Variants in MOCOS observed in about 807,000 individuals in gnomAD.
The protein encoded by MOCOS is human molybdenum cofactor sulfurase.
MOCOS carries 86 observed loss-of-function variants against 83.6 expected under a neutral mutation model. The ratio of observed to expected loss-of-function variants is 1.03; its 90% CI spans 0.86 to 1.23. MOCOS has a LOEUF of 1.23. Among genes scored for constraint, MOCOS ranks in the 50% most tolerant of loss-of-function variants. The pLI is 0.00. For missense variants in MOCOS, 1,120 were observed against 1,126.9 expected (o/e 0.99, Z 0.09); for synonymous variants, 445 against 434.7 (o/e 1.02, Z -0.29).
intron 11 of MOCOS, among the ~76,000 whole-genome samples, chr18:36,253,392 G>A (rs888397805): frequency 1.1e-4 from 16 of 152,198 alleles, no homozygotes; most frequent in African/African-American, 3.6e-4. Context: ...AGGAGGCCAG[G>A]CGCGGTGGCT....
chr18:36,271,837 A>C lies in MOCOS; in HGVS notation c.*3152A>C, dbSNP rs2091700182. 6.6e-6 allele frequency: 1 copy of C among 152,154 alleles called. No homozygotes were observed. Among genetic ancestry groups the C allele is most frequent in the Non-Finnish European group, 1.5e-5 (1 of 68,022 alleles). 9.4% of individuals were successfully genotyped at this position (152,154 alleles called of 1,614,324 possible). On this transcript the variant is annotated 3_prime_UTR_variant, in exon 15 of 15. Coordinates refer to ENST00000261326, the MANE Select transcript of MOCOS (RefSeq NM_017947.4). The stretch of plus-strand genomic sequence containing the variant: ...ATCCCCTCCTCAGCCTTGTGGATGG[A>C]GAAGAACAGGCAGTGATATACATTT...
Position 36,200,255 on chromosome 18 carries a change from G to A in MOCOS, c.872G>A (p.Gly291Glu), listed in dbSNP as rs774570710. The change falls in exon 4 of 15, where the codon GGA becomes GAA. Residue 291 changes from glycine to glutamate, a missense_variant. By Grantham distance (98) the Gly-to-Glu change is moderately conservative. Coordinates refer to ENST00000261326, the MANE Select transcript of MOCOS (RefSeq NM_017947.4). ...AAPLLRKTYF[G>E]GGTASAYLAG... ...CCTCTACTGAGGAAGACCTACTTTG[G>A]AGGAGGGACAGCCTCTGCGTACCTA... 6 of 1,614,176 alleles carry A rather than the reference G, an allele frequency of 3.7e-6. No homozygotes were observed. The highest frequency in any genetic ancestry group is 1.1e-5 in the South Asian group (1 of 91,086).
Position 36,195,888 on chromosome 18 carries a change from T to A in MOCOS, c.232+542T>A, listed in dbSNP as rs565202943. Among the ~76,000 whole-genome samples the A allele has an allele frequency of 3.9e-5, 6 of 152,254 alleles. No homozygotes were observed. In the South Asian group the frequency reaches 1.2e-3, roughly 32 times the overall value. ...AGGTGCCTGGTTCCAGGCCAGCCTG[T>A]ATCTGCAGTGACAGTGGGGTTGGCT... On this transcript the variant is annotated intron_variant, in intron 2 of 14. Transcript: ENST00000261326.
chr18:36,239,147 A>G (rs1436922009), intron 9 of MOCOS, among the ~76,000 whole-genome samples: 1 of 151,606 alleles, frequency 6.6e-6, no homozygotes, highest in Non-Finnish European at 1.5e-5. Context: ...TAAAGTTAAT[A>G]GTGTTATGTG....
At chr18:36,193,496 C>T (rs943427894) in intron 1 of MOCOS, among the ~76,000 whole-genome samples, 8 of 152,022 alleles carry the variant, frequency 5.3e-5, no homozygotes, top group African/African-American at 1.9e-4. Context: ...AGGGAAATAA[C>T]TTCTTCAATA....
intron 9 of MOCOS, among the ~76,000 whole-genome samples, chr18:36,221,733 T>TG (rs2091496821): frequency 1.3e-5 from 2 of 151,738 alleles, no homozygotes; most frequent in Admixed American, 6.6e-5. Flanking sequence ...CCATTGTTTT[T>TG]TTTTTTTTTT....
At chr18:36,236,513 C>T (rs2091559713) in intron 9 of MOCOS, among the ~76,000 whole-genome samples, 1 of 89,774 alleles carries the variant, frequency 1.1e-5, no homozygotes, top group Non-Finnish European at 2.2e-5. Context: ...GTACCAGTAC[C>T]ATGCTGTTTT....
chr18:36,209,822 T>C (rs1254843278), intron 6 of MOCOS, among the ~76,000 whole-genome samples: 1 of 152,200 alleles, frequency 6.6e-6, no homozygotes, highest in Non-Finnish European at 1.5e-5. Context: ...CTTTTCCACA[T>C]AATGACGTTT....
At chr18:36,205,641 C>G (rs1049540623) in intron 6 of MOCOS, among the ~76,000 whole-genome samples, 1 of 152,182 alleles carries the variant, frequency 6.6e-6, no homozygotes, top group Non-Finnish European at 1.5e-5. Context: ...CAACAGGAAC[C>G]AAATGTTACT....
intron 9 of MOCOS, among the ~76,000 whole-genome samples, chr18:36,224,815 A>G (rs1344429129): frequency 6.6e-6 from 1 of 152,210 alleles, no homozygotes; most frequent in Non-Finnish European, 1.5e-5. Context: ...GTTTTTAAGT[A>G]GAGTTTGAGA....
chr18:36,257,206 C>A (rs2091645027), intron 12 of MOCOS, 133 bp downstream of exon 12: 5 of 792,274 alleles, frequency 6.3e-6, no homozygotes, highest in Non-Finnish European at 1.1e-5. Flanking sequence ...AGATGAGAAA[C>A]TGAGGCCCTG....
chr18:36,208,034 C>T (rs965698643), intron 6 of MOCOS, among the ~76,000 whole-genome samples: 1 of 152,112 alleles, frequency 6.6e-6, no homozygotes, highest in African/African-American at 2.4e-5. Context: ...ATCCCAGCAC[C>T]ATTTATTGAA....
At chr18:36,225,250 C>A (rs966989290) in intron 9 of MOCOS, among the ~76,000 whole-genome samples, 3 of 152,068 alleles carry the variant, frequency 2.0e-5, no homozygotes, top group African/African-American at 7.2e-5. Flanking sequence ...CTCCTGGGTT[C>A]AAGTGATTCT....
At chr18:36,223,640 G>A (rs372217624) in intron 9 of MOCOS, among the ~76,000 whole-genome samples, 5 of 152,110 alleles carry the variant, frequency 3.3e-5, no homozygotes, top group African/African-American at 1.2e-4. Flanking sequence ...ATGCCATTGC[G>A]ATTTTGATAG....
chr18:36,256,907 A>G lies in MOCOS; in HGVS notation c.2165-61A>G, dbSNP rs375151793. 3,806 of 1,386,972 alleles carry G rather than the reference A, an allele frequency of 2.7e-3. 9 individuals carry two copies. Among genetic ancestry groups the G allele is most frequent in the Non-Finnish European group, 3.2e-3 (3,124 of 973,182 alleles). 85.9% of individuals were successfully genotyped at this position (1,386,972 alleles called of 1,614,324 possible). On this transcript the variant is annotated intron_variant, in intron 11 of 14. Coordinates refer to ENST00000261326, the MANE Select transcript of MOCOS (RefSeq NM_017947.4). ...TTTTAAAAAAATACAAGTCTATGGA[A>G]ACATGATTCACTGGCATTCTGAGAA...
At chr18:36,263,941 C>T (rs2091672823) in intron 13 of MOCOS, among the ~76,000 whole-genome samples, 1 of 152,066 alleles carries the variant, frequency 6.6e-6, no homozygotes, top group Non-Finnish European at 1.5e-5. Context: ...CTTTGGGAGA[C>T]TGAGGTGCTC....
At position 36,200,130 on chromosome 18, in the gene MOCOS, C is replaced by T; in HGVS notation, c.747C>T (p.Asp249=). 6.2e-7 allele frequency: 1 copy of T among 1,614,208 alleles called. No individual in the cohort carries two copies. The highest frequency in any genetic ancestry group is 8.5e-7 in the Non-Finnish European group (1 of 1,180,024). ...AASYVSTSPL[D]LSAHQADFVP... ...CCTACGTGAGCACCTCGCCTTTGGACCTGTCAGCTCACCAGGCCGACTTTG... is the reference window on the plus strand; with the variant it reads ...CCTACGTGAGCACCTCGCCTTTGGATCTGTCAGCTCACCAGGCCGACTTTG... The change falls in exon 4 of 15, where the codon GAC becomes GAT. Residue 249 remains aspartate, a synonymous_variant. Transcript: ENST00000261326.
At chr18:36,198,121 C>T (rs2091397055) in intron 2 of MOCOS, among the ~76,000 whole-genome samples, 1 of 152,192 alleles carries the variant, frequency 6.6e-6, no homozygotes, top group Non-Finnish European at 1.5e-5. Context: ...GGCACAGTGG[C>T]TCATGCCTGC....
intron 14 of MOCOS, 47 bp downstream of exon 14, chr18:36,266,900 T>TG: frequency 1.4e-6 from 2 of 1,431,138 alleles, no homozygotes; most frequent in Non-Finnish European, 2.0e-6. Flanking sequence ...ATCCTGGTGT[T>TG]ATCAATACCA....
Sources: allele counts gnomAD v4.1 joint callset (sites outside exome capture counted in the v4.1 genomes callset), GRCh38; gene constraint gnomAD v4.1.1; transcripts MANE v1.5; gene names NCBI Gene and HGNC (gene_info 2026-07-23, HGNC 2026-07-21).